MAP4: variants seen among roughly 807,000 people sequenced by gnomAD.
MAP4 encodes microtubule associated protein 4, also known as microtubule-associated protein 4.
MAP4 carries 76 observed loss-of-function variants against 170.2 expected under a neutral mutation model. The ratio of observed to expected loss-of-function variants is 0.45; its 90% CI spans 0.37 to 0.54. MAP4 has a LOEUF of 0.54. Ranked by LOEUF, MAP4 falls within the 20% of genes least tolerant of loss-of-function variation. The probability of loss-of-function intolerance (pLI) is 0.00; values close to 1 mark genes in which losing one functional copy is unlikely to be tolerated. For missense variants in MAP4, 2,506 were observed against 2,748.0 expected (o/e 0.91, Z 1.97); for synonymous variants, 909 against 994.5 (o/e 0.91, Z 1.62).
intron 1 of MAP4, among the ~76,000 whole-genome samples, chr3:48,022,483 T>A (rs551649491): frequency 2.2e-4 from 33 of 152,214 alleles, no homozygotes; most frequent in Middle Eastern, 3.4e-3. Context: ...TGATTTTTTT[T>A]AAAAAATGAA....
intron 18 of MAP4, among the ~76,000 whole-genome samples, chr3:47,856,332 G>A (rs1411313629): frequency 6.6e-6 from 1 of 152,206 alleles, no homozygotes; most frequent in Non-Finnish European, 1.5e-5. Flanking sequence ...GGAAGTATCT[G>A]ATAGGAGATT....
Position 47,864,577 on chromosome 3 carries a change from T to C in MAP4, c.6501+2669A>G, listed in dbSNP as rs147346720. ...CTGTAGTCCCAGCTACTCGGGAGGC[T>C]GAAGCAGGAGAATAGCATCAATCCG... On this transcript the variant is annotated intron_variant, in intron 17 of 20. Transcript: ENST00000683076. 4.6e-5 allele frequency among the ~76,000 whole-genome samples: 7 copies of C among 152,280 alleles called. No homozygotes were observed. In the East Asian group the frequency reaches 1.4e-3, roughly 29 times the overall value.
At chr3:47,952,814 C>T in intron 3 of MAP4, among the ~76,000 whole-genome samples, 1 of 151,944 alleles carries the variant, frequency 6.6e-6, no homozygotes. Context: ...GTCCCAACTA[C>T]TCGGGAGGCT....
chr3:47,938,231 G>A (rs1248645408), intron 3 of MAP4, among the ~76,000 whole-genome samples: 1 of 151,946 alleles, frequency 6.6e-6, no homozygotes, highest in African/African-American at 2.4e-5. Flanking sequence ...AATTAGCCAC[G>A]CATGGTGGCG....
chr3:47,855,286 C>T lies in MAP4; in HGVS notation c.6658G>A (p.Asp2220Asn), dbSNP rs139009148. Residue 2220 changes from aspartate (D) to asparagine (N), a missense_variant, in exon 19 of 21, where the codon GAT becomes AAT. Asp to Asn is a conservative substitution (Grantham distance 23). This residue lies in a region of MAP4 where 487 missense variants were observed against 511.6 expected (regional missense o/e 0.95). Transcript: ENST00000683076. The surrounding 1 kb of genome is among the most constrained non-coding windows in gnomAD (Gnocchi z 5.1). The part of the protein sequence containing the change: ...EKAQAKVGSL[D>N]NVGHLPAGGA... The stretch of plus-strand genomic sequence containing the variant: ...CCTGCAGGTAGGTGGCCCACATTAT[C>T]GAGGGATCCCACCTTGGCCTGGGCC... 20 of 1,614,064 alleles carry T rather than the reference C, an allele frequency of 1.2e-5. No homozygotes were observed. The Middle Eastern group carries it at 1.5e-3, about 120-fold the overall frequency.
chr3:47,881,496 A>ATATATG (rs2096754318), intron 10 of MAP4, among the ~76,000 whole-genome samples: 1 of 100,596 alleles, frequency 9.9e-6, no homozygotes, highest in Non-Finnish European at 2.0e-5. Flanking sequence ...ATATATATAT[A>ATATATG]TGCATAATCA....
intron 3 of MAP4, among the ~76,000 whole-genome samples, chr3:47,949,414 C>T (rs1348468809): frequency 4.1e-5 from 6 of 145,504 alleles, no homozygotes; most frequent in Admixed American, 2.8e-4. Flanking sequence ...TGCAGTGAGC[C>T]GAGATTGTCC....
rs139009148 is a variant in MAP4, at chr3:47,855,286, C to G, written c.6658G>C (p.Asp2220His). Reference sequence around the variant, plus strand: ...CCTGCAGGTAGGTGGCCCACATTATCGAGGGATCCCACCTTGGCCTGGGCC... The same window carrying G: ...CCTGCAGGTAGGTGGCCCACATTATGGAGGGATCCCACCTTGGCCTGGGCC... ...EKAQAKVGSL[D>H]NVGHLPAGGA... Residue 2220 changes from aspartate (D) to histidine (H), a missense_variant, in exon 19 of 21, where the codon GAT (aspartate) becomes CAT (histidine). Coordinates refer to ENST00000683076, the MANE Select transcript of MAP4 (RefSeq NM_001385682.1). This position sits in a 1 kb window ranked among gnomAD's most constrained non-coding sequence, Gnocchi z 5.1. 3 of 1,613,946 alleles carry G rather than the reference C, an allele frequency of 1.9e-6. No individual in the cohort carries two copies. In the Admixed American group the frequency reaches 5.0e-5, roughly 27 times the overall value.
At chr3:48,082,418 T>C (rs2100147062) in intron 1 of MAP4, among the ~76,000 whole-genome samples, 2 of 152,234 alleles carry the variant, frequency 1.3e-5, no homozygotes, top group East Asian at 1.9e-4. Flanking sequence ...AATATGGATA[T>C]GACTTGGTGA....
chr3:47,957,277 C>G (rs1237077025), intron 3 of MAP4, among the ~76,000 whole-genome samples: 1 of 152,202 alleles, frequency 6.6e-6, no homozygotes, highest in East Asian at 1.9e-4. Flanking sequence ...AAGTGATTCT[C>G]CCGCCTCAGC....
chr3:48,000,163 C>G (rs1325608862), intron 1 of MAP4, among the ~76,000 whole-genome samples: 1 of 136,116 alleles, frequency 7.3e-6, no homozygotes, highest in African/African-American at 2.9e-5. Flanking sequence ...TACAGTGAAC[C>G]GAGGTTGCGC....
intron 2 of MAP4, among the ~76,000 whole-genome samples, chr3:47,984,686 A>G (rs2100087536): frequency 6.6e-6 from 1 of 151,814 alleles, no homozygotes; most frequent in African/African-American, 2.4e-5. Flanking sequence ...AAAAAAATAC[A>G]CAAATTAACC....
chr3:47,979,282 T>C (rs2100084059), intron 2 of MAP4, among the ~76,000 whole-genome samples: 1 of 152,062 alleles, frequency 6.6e-6, no homozygotes, highest in South Asian at 2.1e-4. Context: ...AATTAGGTAA[T>C]TATTACAGAG....
At chr3:47,913,646 A>G (rs2100037083) in intron 8 of MAP4, among the ~76,000 whole-genome samples, 1 of 152,220 alleles carries the variant, frequency 6.6e-6, no homozygotes, top group Non-Finnish European at 1.5e-5. Flanking sequence ...TTTGTATACC[A>G]TAAGCACTTG....
In MAP4 at chr3:47,888,187, C is replaced by A. The variant is rs9754940; in HGVS notation, c.5435-10664G>T. On this transcript the variant is annotated intron_variant, in intron 10 of 20. Transcript: ENST00000683076. ...GGATTGTAAACGCACCAATCAGTGC[C>A]CTGACAAAACAGGCCACTCGGCTCT... Among the ~76,000 whole-genome samples the A allele has an allele frequency of 6.5e-3, 993 of 152,218 alleles. 6 individuals are homozygous for A. Among genetic ancestry groups the A allele is most frequent in the African/African-American group, 0.023 (936 of 41,522 alleles).
Position 47,948,466 on chromosome 3 carries a change from T to A in MAP4, c.293-20116A>T, listed in dbSNP as rs530274408. 2.6e-5 allele frequency among the ~76,000 whole-genome samples: 4 copies of A among 151,744 alleles called. No homozygotes were observed. The East Asian group carries it at 7.8e-4, about 30-fold the overall frequency. On this transcript the variant is annotated intron_variant, in intron 3 of 20. Transcript: ENST00000683076. ...CTCGAACTCCTGGGCTCAAGCAATC[T>A]TTCTGCCTCAGCCTCCCAAAGTCTT...
chr3:47,884,465 A>G (rs1195554974), intron 10 of MAP4, among the ~76,000 whole-genome samples: 2 of 152,298 alleles, frequency 1.3e-5, no homozygotes, highest in Admixed American at 6.5e-5. Context: ...TTTAGCATGC[A>G]ATCACCCTGT....
intron 11 of MAP4, among the ~76,000 whole-genome samples, chr3:47,876,277 G>A (rs568194085): frequency 6.6e-5 from 10 of 151,944 alleles, no homozygotes; most frequent in Non-Finnish European, 1.3e-4. Context: ...GACTACCAGC[G>A]TGTGCCACCA....
At chr3:47,940,653 T>C (rs1205146892) in intron 3 of MAP4, among the ~76,000 whole-genome samples, 3 of 152,178 alleles carry the variant, frequency 2.0e-5, no homozygotes, top group Admixed American at 6.5e-5. Context: ...AAGTAGCATA[T>C]CTACATATCA....
Sources: gnomAD v4.1 joint callset for allele counts (sites outside exome capture counted in the v4.1 genomes callset) on GRCh38, gnomAD v4.1.1 for gene constraint, gnomAD v4.1.1 regional missense constraint, Gnocchi (gnomAD v3.1) non-coding constraint, MANE v1.5 for transcripts, NCBI Gene and HGNC (gene_info 2026-07-23, HGNC 2026-07-21) for gene names.